RIMKLA: variants seen among roughly 807,000 people sequenced by gnomAD.
RIMKLA encodes the protein N-acetylaspartylglutamate synthase A.
Under a neutral mutation model 32.7 loss-of-function variants are expected in RIMKLA, and 14 were observed. That is an observed-to-expected ratio of 0.43 (90% CI 0.28 to 0.67). The LOEUF (loss-of-function observed/expected upper bound fraction) is 0.67, where lower values mean the gene tolerates loss of function less well. RIMKLA is among the 30% of genes least tolerant of loss of function. The pLI is 0.18. For missense variants in RIMKLA, 410 were observed against 519.0 expected (o/e 0.79, Z 2.04); for synonymous variants, 176 against 204.1 (o/e 0.86, Z 1.18).
At position 42,399,598 on chromosome 1, in the gene RIMKLA, G is replaced by A; in HGVS notation, c.358G>A (p.Gly120Arg). Residue 120 changes from glycine (G) to arginine (R), a missense_variant, in exon 2 of 5, where the codon GGA (glycine) becomes AGA (arginine). By Grantham distance (125) the Gly-to-Arg change is moderately radical. Coordinates refer to ENST00000431473, the MANE Select transcript of RIMKLA (RefSeq NM_173642.4). The part of the protein sequence containing the change: ...NKFWTFQELA[G>R]HGVPMPDTFS... ...ATTCTGGACGTTCCAAGAACTGGCT[G>A]GACATGGGGTCCCCATGCCAGACAC... 6.2e-7 allele frequency: 1 copy of A among 1,611,660 alleles called. No individual in the cohort carries two copies. Among genetic ancestry groups the A allele is most frequent in the Non-Finnish European group, 8.5e-7 (1 of 1,179,000 alleles).
chr1:42,384,517 ATGTGTG>A (rs1642917788), intron 1 of RIMKLA, among the ~76,000 whole-genome samples: 11 of 148,676 alleles, frequency 7.4e-5, no homozygotes, highest in East Asian at 5.9e-4. Flanking sequence ...ATATGTATAT[ATGTGTG>A]TATATATACA....
At chr1:42,408,105 T>C (rs1643163123) in intron 3 of RIMKLA, among the ~76,000 whole-genome samples, 1 of 152,206 alleles carries the variant, frequency 6.6e-6, no homozygotes, top group African/African-American at 2.4e-5. Context: ...ATCAGATGTG[T>C]ATCTGCTTGC....
At chr1:42,400,575 GA>G (rs1196393078) in intron 2 of RIMKLA, among the ~76,000 whole-genome samples, 2 of 152,216 alleles carry the variant, frequency 1.3e-5, no homozygotes, top group Non-Finnish European at 1.5e-5. Flanking sequence ...GAGAAATCAA[GA>G]GTGACTGGTT....
rs1208984705 is a variant in RIMKLA, at chr1:42,415,949, A to G, written c.*975A>G. ...TTGTATGAGTGGGTGTTGGAGGTCT[A>G]TTGAGTAGATGGGAGCCATTGGAAA... On this transcript the variant is annotated 3_prime_UTR_variant, in exon 5 of 5. Transcript: ENST00000431473. The G allele has an allele frequency of 2.6e-5, 4 of 152,034 alleles. No homozygotes were observed. The highest frequency in any genetic ancestry group is 7.2e-5 in the African/African-American group (3 of 41,388). 9.4% of individuals were successfully genotyped at this position (152,034 alleles called of 1,614,324 possible).
chr1:42,398,309 A>G (rs923246324), intron 1 of RIMKLA, among the ~76,000 whole-genome samples: 1 of 152,166 alleles, frequency 6.6e-6, no homozygotes, highest in African/African-American at 2.4e-5. Flanking sequence ...TAATATTCCT[A>G]CTTAACCCAG....
intron 1 of RIMKLA, among the ~76,000 whole-genome samples, chr1:42,385,844 C>CTCCCTCTCTT (rs1642937233): frequency 1.8e-5 from 1 of 56,996 alleles, no homozygotes; most frequent in South Asian, 6.0e-4. Context: ...TTCTTTCTTT[C>CTCCCTCTCTT]TCTTTCTTTC....
chr1:42,381,050 C>G lies in RIMKLA; in HGVS notation c.116C>G (p.Ala39Gly). ...TCCGAGCAGGACGTGCGCTTCCGGG[C>G]GGTGCTTATGGACCAGATCGCCGTC... Reference protein sequence around the residue: ...RCSEQDVRFRAVLMDQIAVTI... With the variant: ...RCSEQDVRFRGVLMDQIAVTI... The change falls in exon 1 of 5, where the codon GCG becomes GGG. Residue 39 changes from alanine to glycine, a missense_variant. Transcript: ENST00000431473. The G allele has an allele frequency of 7.5e-7, 1 of 1,329,036 alleles. No homozygotes were observed. The highest frequency in any genetic ancestry group is 9.6e-7 in the Non-Finnish European group (1 of 1,036,964). 82.3% of individuals were successfully genotyped at this position (1,329,036 alleles called of 1,614,324 possible). A position where few individuals can be genotyped will look rare whatever the true frequency, so the allele number is the denominator to read the frequency against.
intron 1 of RIMKLA, among the ~76,000 whole-genome samples, chr1:42,389,393 G>A (rs1642977206): frequency 6.6e-6 from 1 of 152,180 alleles, no homozygotes. Flanking sequence ...TGGGCAGAGT[G>A]AGTAGGAGAA....
intron 4 of RIMKLA, 142 bp downstream of exon 4, chr1:42,410,329 C>A: frequency 1.4e-6 from 1 of 704,840 alleles, no homozygotes; most frequent in Non-Finnish European, 2.4e-6. Context: ...TTTCCTATGG[C>A]AGCAAGCAAT....
chr1:42,399,548 A>G lies in RIMKLA; in HGVS notation c.308A>G (p.Gln103Arg), dbSNP rs1643079147. The change falls in exon 2 of 5, where the codon CAG becomes CGG. Residue 103 changes from glutamine (Q) to arginine (R), a missense_variant. Transcript: ENST00000431473. The part of the protein sequence containing the change: ...KLGCRLVNRP[Q>R]SILNCINKFW... ...GGCTGCCGGTTGGTCAATCGCCCAC[A>G]GAGCATCTTAAATTGCATCAACAAA... The G allele has an allele frequency of 6.2e-7, 1 of 1,613,592 alleles. No homozygotes were observed. The highest frequency in any genetic ancestry group is 8.5e-7 in the Non-Finnish European group (1 of 1,179,836).
chr1:42,410,480 C>T (rs1396741109), intron 4 of RIMKLA, among the ~76,000 whole-genome samples: 1 of 152,058 alleles, frequency 6.6e-6, no homozygotes, highest in Non-Finnish European at 1.5e-5. Context: ...AGAAAAACTC[C>T]CATCTGGGTA....
chr1:42,386,593 TG>T (rs1553175621), intron 1 of RIMKLA, among the ~76,000 whole-genome samples: 5 of 150,754 alleles, frequency 3.3e-5, no homozygotes, highest in East Asian at 1.9e-4. Flanking sequence ...AATAAAAAAT[TG>T]GGGGGGTGCT....
chr1:42,400,535 A>G (rs532084112), intron 2 of RIMKLA, among the ~76,000 whole-genome samples: 4 of 152,356 alleles, frequency 2.6e-5, no homozygotes, highest in African/African-American at 9.6e-5. Context: ...ATAATAGGAC[A>G]TGATGATTGA....
At chr1:42,407,931 A>G (rs1643161487) in intron 3 of RIMKLA, among the ~76,000 whole-genome samples, 1 of 152,084 alleles carries the variant, frequency 6.6e-6, no homozygotes, top group Non-Finnish European at 1.5e-5. Context: ...TTAACTGCAG[A>G]CTGACCCCCA....
Position 42,420,439 on chromosome 1 carries a change from C to T in RIMKLA, c.*5465C>T, listed in dbSNP as rs1643285936. 1 of 152,232 alleles carries T rather than the reference C, an allele frequency of 6.6e-6. No homozygotes were observed. The highest frequency in any genetic ancestry group is 2.4e-5 in the African/African-American group (1 of 41,448). 9.4% of individuals were successfully genotyped at this position (152,232 alleles called of 1,614,324 possible). On this transcript the variant is annotated 3_prime_UTR_variant, in exon 5 of 5. Transcript: ENST00000431473. ...TATATACTATGGAGGAATCTCCACT[C>T]ACCTTCCACTCCACGTGGTCCCTGT... is the stretch of plus-strand genomic sequence containing the variant.
chr1:42,413,133 C>CAAATAAAT (rs368162189), intron 4 of RIMKLA, among the ~76,000 whole-genome samples: 90 of 150,510 alleles, frequency 6.0e-4, no homozygotes, highest in African/African-American at 2.1e-3. Context: ...GACTCTGTCT[C>CAAATAAAT]AAATAAATAA....
intron 1 of RIMKLA, among the ~76,000 whole-genome samples, chr1:42,386,132 A>C (rs1325952733): frequency 1.3e-5 from 2 of 151,792 alleles, no homozygotes; most frequent in Non-Finnish European, 2.9e-5. Flanking sequence ...CATGTTGGCC[A>C]GGCTGGTCTC....
At position 42,385,842 on chromosome 1, in the gene RIMKLA, T is replaced by TCTCTCTCTCTCTCTC. The variant is rs1557749905; in HGVS notation, c.163+4745_163+4746insCTCTCTCTCTCTCTC. Among the ~76,000 whole-genome samples, 4 of 63,500 alleles carry TCTCTCTCTCTCTCTC rather than the reference T, an allele frequency of 6.3e-5. 1 individual carries two copies. The highest frequency in any genetic ancestry group is 3.4e-4 in the Admixed American group (2 of 5,970). The allele number at this position is 63,500 out of a possible 152,430, so 41.7% of individuals were successfully genotyped here. A position where few individuals can be genotyped will look rare whatever the true frequency, so the allele number is the denominator to read the frequency against. On this transcript the variant is annotated intron_variant, in intron 1 of 4. Coordinates refer to ENST00000431473, the MANE Select transcript of RIMKLA (RefSeq NM_173642.4). ...TTCCTTCCTTCCTTTCTTTCTTTCT[T>TCTCTCTCTCTCTCTC]TCTCTTTCTTTCTTTCTTTCTTTCT...
intron 4 of RIMKLA, chr1:42,412,501 C>A (rs536495697): frequency 1.4e-4 from 57 of 421,384 alleles, no homozygotes; most frequent in Admixed American, 8.5e-4. Context: ...TACAGTGAAA[C>A]CAAACTGATG....
Sources: allele counts gnomAD v4.1 joint callset (sites outside exome capture counted in the v4.1 genomes callset), GRCh38; gene constraint gnomAD v4.1.1; transcripts MANE v1.5; gene names NCBI Gene and HGNC (gene_info 2026-07-23, HGNC 2026-07-21).